Variants in TPP2 observed in about 807,000 individuals in gnomAD.
TPP2 encodes the protein tripeptidyl peptidase 2.
A neutral mutation model predicts 155.9 loss-of-function variants in TPP2; 34 were observed. The observed-to-expected ratio is 0.22, with a 90% CI of 0.17 to 0.29. TPP2 has a LOEUF of 0.29. Among genes scored for constraint, TPP2 ranks in the 10% least tolerant of loss-of-function variants. The pLI, the probability that TPP2 is intolerant of heterozygous loss-of-function variation, is 1.00. For missense variants in TPP2, 1,028 were observed against 1,522.3 expected (o/e 0.68, Z 5.40); for synonymous variants, 510 against 529.4 (o/e 0.96, Z 0.50).
At chr13:102,649,971 C>T (rs1883377159) in intron 23 of TPP2, among the ~76,000 whole-genome samples, 1 of 152,050 alleles carries the variant, frequency 6.6e-6, no homozygotes, top group Non-Finnish European at 1.5e-5. Flanking sequence ...CTTCTACAGA[C>T]CTATCTCATT....
intron 27 of TPP2, among the ~76,000 whole-genome samples, chr13:102,670,248 C>T (rs1386879065): frequency 6.6e-6 from 1 of 152,010 alleles, no homozygotes; most frequent in Non-Finnish European, 1.5e-5. Context: ...AGTTTATTGG[C>T]AGGAAGGGCA....
rs570975367 is a variant in TPP2, at chr13:102,661,186, C to T, written c.3144-2462C>T. Among the ~76,000 whole-genome samples, 52 of 150,806 alleles carry T rather than the reference C, an allele frequency of 3.4e-4. No individual in the cohort carries two copies. The South Asian group carries it at 3.7e-3, about 11-fold the overall frequency. ...CATAGCATCAAGAAAGTGAAAAGAACGGCCTATTTGCAAGTTACATATTTG... is the reference window on the plus strand; with the variant it reads ...CATAGCATCAAGAAAGTGAAAAGAATGGCCTATTTGCAAGTTACATATTTG... On this transcript the variant is annotated intron_variant, in intron 25 of 29. Coordinates refer to ENST00000376052, the MANE Select transcript of TPP2 (RefSeq NM_001330588.2).
chr13:102,616,449 A>G lies in TPP2; in HGVS notation c.444A>G (p.Glu148=). Residue 148 remains glutamate (E), a synonymous_variant, in exon 4 of 30, where the codon GAA becomes GAG. Transcript: ENST00000376052. The part of the protein sequence containing the change: ...WDPVHRVALA[E]ACRKQEEFDV... ...CTGTTCACAGAGTGGCCCTTGCAGA[A>G]GCCTGTAGAAAACAGGAAGAATTTG... is the stretch of plus-strand genomic sequence containing the variant. The G allele has an allele frequency of 6.2e-7, 1 of 1,612,956 alleles. No homozygotes were observed. Among genetic ancestry groups the G allele is most frequent in the South Asian group, 1.1e-5 (1 of 90,706 alleles).
intron 19 of TPP2, 72 bp downstream of exon 19, chr13:102,645,081 G>C: frequency 7.2e-7 from 1 of 1,380,866 alleles, no homozygotes. Flanking sequence ...TCTTAAAAAA[G>C]GGCCTTTTTT....
chr13:102,621,963 T>C (rs545955149), intron 5 of TPP2, among the ~76,000 whole-genome samples: 1 of 152,334 alleles, frequency 6.6e-6, no homozygotes, highest in South Asian at 2.1e-4. Flanking sequence ...ATTTTCTCCA[T>C]AAGTGTTTAG....
At chr13:102,662,968 A>G (rs1454488433) in intron 25 of TPP2, among the ~76,000 whole-genome samples, 1 of 152,000 alleles carries the variant, frequency 6.6e-6, no homozygotes, top group Non-Finnish European at 1.5e-5. Flanking sequence ...GATCTGAGAC[A>G]TTTTTAAATC....
intron 24 of TPP2, among the ~76,000 whole-genome samples, chr13:102,652,770 G>T (rs1265299828): frequency 6.6e-6 from 1 of 152,050 alleles, no homozygotes; most frequent in Non-Finnish European, 1.5e-5. Context: ...TGTCTTGACC[G>T]TTTGGGGGCC....
rs148746718 is a variant in TPP2, at chr13:102,637,194, A to T, written c.1791A>T (p.Ile597=). The change falls in exon 14 of 30, where the codon ATA becomes ATT. Residue 597 remains isoleucine, a synonymous_variant. Transcript: ENST00000376052. ...TGAATCAATGTAGACACATAAACAT[A>T]CGTGTGGATCCCAGGGGCTTAAGAG... is the stretch of plus-strand genomic sequence containing the variant. ...ELMNQCRHIN[I]RVDPRGLREG... The T allele has an allele frequency of 1.9e-6, 3 of 1,610,594 alleles. No individual in the cohort carries two copies. Among genetic ancestry groups the T allele is most frequent in the Non-Finnish European group, 2.5e-6 (3 of 1,179,548 alleles).
chr13:102,615,262 G>C (rs1880632249), intron 3 of TPP2, among the ~76,000 whole-genome samples: 1 of 152,076 alleles, frequency 6.6e-6, no homozygotes, highest in Non-Finnish European at 1.5e-5. Flanking sequence ...TCAACCTCCT[G>C]GGCAATCCTC....
chr13:102,627,465 A>G (rs1881706806), intron 7 of TPP2, among the ~76,000 whole-genome samples: 1 of 152,124 alleles, frequency 6.6e-6, no homozygotes, highest in Non-Finnish European at 1.5e-5. Context: ...AGCTTTCTCC[A>G]TCAGCCTAAG....
At chr13:102,677,515 C>G (rs1340047886) in intron 29 of TPP2, among the ~76,000 whole-genome samples, 1 of 152,314 alleles carries the variant, frequency 6.6e-6, no homozygotes, top group East Asian at 1.9e-4. Flanking sequence ...AGACTTATTT[C>G]ATATCACACT....
In TPP2 at chr13:102,647,745, C is replaced by T; in HGVS notation, c.2628+401C>T. Among the ~76,000 whole-genome samples, 2 of 152,212 alleles carry T rather than the reference C, an allele frequency of 1.3e-5. 1 individual carries two copies. ...AAAGAGAGCACTGCAGCAGTGGCCG[C>T]ATGTCTTCAGTTCATTTGTACTTTT... On this transcript the variant is annotated intron_variant, in intron 21 of 29. Transcript: ENST00000376052.
At chr13:102,664,678 TTACA>T (rs1884472928) in intron 26 of TPP2, 113 bp from the exon 27 acceptor site, 1 of 1,040,564 alleles carries the variant, frequency 9.6e-7, no homozygotes, top group South Asian at 1.8e-5. Flanking sequence ...TACAAGTCAA[TTACA>T]TAGTTTACTC....
intron 2 of TPP2, among the ~76,000 whole-genome samples, chr13:102,613,414 G>T (rs1186293818): frequency 6.6e-6 from 1 of 152,134 alleles, no homozygotes; most frequent in Non-Finnish European, 1.5e-5. Flanking sequence ...GATGACCACG[G>T]TTCCATGATT....
Position 102,618,712 on chromosome 13 carries a change from A to T in TPP2, c.496-10A>T. 4 of 1,612,916 alleles carry T rather than the reference A, an allele frequency of 2.5e-6. No homozygotes were observed. Among genetic ancestry groups the T allele is most frequent in the Non-Finnish European group, 3.4e-6 (4 of 1,179,478 alleles). On this transcript the variant is annotated splice_polypyrimidine_tract_variant and intron_variant, in intron 4 of 29. Transcript: ENST00000376052. ...ATGTACTAATGTTAATCAGTTTTCC[A>T]ACTGACTAGGCAAATAAACTAATCA...
chr13:102,616,369 T>A, intron 3 of TPP2, 27 bp from the exon 4 acceptor site: 3 of 1,581,670 alleles, frequency 1.9e-6, no homozygotes, highest in South Asian at 1.1e-5. Flanking sequence ...TCAGCCTAAT[T>A]GTAAGGTAAT....
chr13:102,597,436 C>T (rs1879052577), intron 1 of TPP2, among the ~76,000 whole-genome samples: 1 of 152,194 alleles, frequency 6.6e-6, no homozygotes, highest in Non-Finnish European at 1.5e-5. Flanking sequence ...AGGGCCCGGA[C>T]CCCAGGTTGG....
chr13:102,618,790 C>T lies in TPP2; in HGVS notation c.564C>T (p.Tyr188=). The T allele has an allele frequency of 6.2e-7, 1 of 1,613,900 alleles. No homozygotes were observed. Among genetic ancestry groups the T allele is most frequent in the Non-Finnish European group, 8.5e-7 (1 of 1,179,862 alleles). The part of the protein sequence containing the change: ...VELLNSFEKK[Y]SDPGPVYDCL... ...TGCTAAATTCTTTTGAGAAGAAATA[C>T]AGCGATCCTGGCCCTGTATATGACT... Residue 188 remains tyrosine, a synonymous_variant, in exon 5 of 30, where the codon TAC becomes TAT. Coordinates refer to ENST00000376052, the MANE Select transcript of TPP2 (RefSeq NM_001330588.2).
At chr13:102,629,929 A>C (rs660832) in intron 9 of TPP2, among the ~76,000 whole-genome samples, 167 bp from the exon 10 acceptor site, 75,412 of 152,054 alleles carry the variant, frequency 0.5, 19,092 homozygotes, top group African/African-American at 0.6. Flanking sequence ...AGTAAAATGT[A>C]TGGTACATAG....
Sources: allele counts gnomAD v4.1 joint callset (sites outside exome capture counted in the v4.1 genomes callset), GRCh38; gene constraint gnomAD v4.1.1; transcripts MANE v1.5; gene names NCBI Gene and HGNC (gene_info 2026-07-23, HGNC 2026-07-21).